SGCZ: variants seen among roughly 807,000 people sequenced by gnomAD.
SGCZ encodes zeta-sarcoglycan.
In SGCZ, 40 loss-of-function variants were observed where a neutral mutation model predicts 41.3. The observed-to-expected ratio is 0.97, with a 90% confidence interval of 0.75 to 1.26. The LOEUF is 1.26. SGCZ is among the 50% of genes most tolerant of loss of function. The probability of loss-of-function intolerance (pLI) is 0.00; values close to 1 mark genes in which losing one functional copy is unlikely to be tolerated. For missense variants in SGCZ, 552 were observed against 369.8 expected (o/e 1.49, Z -4.04); for synonymous variants, 206 against 137.5 (o/e 1.50, Z -3.49).
chr8:14,766,266 G>C (rs1401479785), intron 1 of SGCZ, among the ~76,000 whole-genome samples: 1 of 151,800 alleles, frequency 6.6e-6, no homozygotes, highest in Non-Finnish European at 1.5e-5. Flanking sequence ...AGCCAGATAG[G>C]CATATTTTTA....
At chr8:15,078,883 C>A (rs2131041069) in intron 1 of SGCZ, among the ~76,000 whole-genome samples, 1 of 152,186 alleles carries the variant, frequency 6.6e-6, no homozygotes, top group Non-Finnish European at 1.5e-5. Flanking sequence ...TCTTCAGTTT[C>A]TCTACTATAA....
chr8:14,129,979 G>A (rs191001463), intron 5 of SGCZ, among the ~76,000 whole-genome samples: 1 of 152,170 alleles, frequency 6.6e-6, no homozygotes, highest in African/African-American at 2.4e-5. Context: ...TGCAGATATG[G>A]AAAACGTGAT....
intron 1 of SGCZ, among the ~76,000 whole-genome samples, chr8:14,887,653 G>C (rs577894899): frequency 6.6e-6 from 1 of 152,068 alleles, no homozygotes; most frequent in African/African-American, 2.4e-5. Flanking sequence ...ACTAGATGCA[G>C]GTTAGAGGAA....
intron 1 of SGCZ, among the ~76,000 whole-genome samples, chr8:14,700,296 T>A (rs1410967769): frequency 2.6e-5 from 4 of 152,136 alleles, no homozygotes; most frequent in Admixed American, 2.6e-4. Context: ...TGAAATCATG[T>A]CCTTTGCAGC....
At chr8:14,387,302 C>G (rs549382395) in intron 2 of SGCZ, among the ~76,000 whole-genome samples, 37 of 152,280 alleles carry the variant, frequency 2.4e-4, no homozygotes, top group African/African-American at 8.9e-4. Context: ...TCCTCCCATC[C>G]TGGTCTCCCA....
At chr8:14,358,730 C>A (rs1803390507) in intron 2 of SGCZ, among the ~76,000 whole-genome samples, 1 of 152,056 alleles carries the variant, frequency 6.6e-6, no homozygotes, top group Non-Finnish European at 1.5e-5. Flanking sequence ...TCTGCCTCAG[C>A]CTCCTGAGTA....
intron 3 of SGCZ, among the ~76,000 whole-genome samples, chr8:14,304,080 C>T (rs192201776): frequency 6.6e-6 from 1 of 152,028 alleles, no homozygotes; most frequent in African/African-American, 2.4e-5. Context: ...AATGGCTTTA[C>T]ATTTGTGAAA....
chr8:14,963,952 T>C (rs1355995011), intron 1 of SGCZ, among the ~76,000 whole-genome samples: 3 of 152,178 alleles, frequency 2.0e-5, no homozygotes, highest in Non-Finnish European at 1.5e-5. Flanking sequence ...TTGTTTAATA[T>C]AGCCCTCAAA....
At chr8:14,291,954 C>T (rs946099335) in intron 3 of SGCZ, among the ~76,000 whole-genome samples, 3 of 152,004 alleles carry the variant, frequency 2.0e-5, no homozygotes, top group African/African-American at 7.2e-5. Context: ...CATATTCAGC[C>T]AGAAGAAAGG....
chr8:14,227,029 A>G (rs1321563398), intron 4 of SGCZ, among the ~76,000 whole-genome samples: 4 of 152,066 alleles, frequency 2.6e-5, no homozygotes, highest in African/African-American at 9.7e-5. Context: ...GGTAGCTGAT[A>G]GATTTACTGA....
At chr8:14,241,033 T>G (rs1798863605) in intron 3 of SGCZ, among the ~76,000 whole-genome samples, 1 of 152,132 alleles carries the variant, frequency 6.6e-6, no homozygotes. Flanking sequence ...AGAAAGACAT[T>G]TAAGAAATGT....
At chr8:15,165,109 G>A (rs1260755343) in intron 1 of SGCZ, among the ~76,000 whole-genome samples, 1 of 152,096 alleles carries the variant, frequency 6.6e-6, no homozygotes, top group Non-Finnish European at 1.5e-5. Flanking sequence ...GACCAACATG[G>A]TGAAACCCTG....
intron 4 of SGCZ, among the ~76,000 whole-genome samples, chr8:14,203,664 C>T (rs940624263): frequency 6.6e-6 from 1 of 152,086 alleles, no homozygotes; most frequent in Non-Finnish European, 1.5e-5. Flanking sequence ...GAGGTGAGCA[C>T]CACAATCCAT....
chr8:15,011,256 G>A (rs1802818425), intron 1 of SGCZ, among the ~76,000 whole-genome samples: 1 of 152,032 alleles, frequency 6.6e-6, no homozygotes, highest in African/African-American at 2.4e-5. Context: ...CTTCACTGTA[G>A]TTCCTACAGA....
At chr8:14,511,324 T>C (rs1253245991) in intron 2 of SGCZ, among the ~76,000 whole-genome samples, 1 of 152,058 alleles carries the variant, frequency 6.6e-6, no homozygotes, top group Non-Finnish European at 1.5e-5. Flanking sequence ...GGCTACGTTT[T>C]ATGGATTGGG....
chr8:14,527,636 G>T (rs928478117), intron 2 of SGCZ, among the ~76,000 whole-genome samples: 1 of 152,042 alleles, frequency 6.6e-6, no homozygotes, highest in Admixed American at 6.6e-5. Flanking sequence ...AGGTACACAT[G>T]ACTATTTAAG....
At chr8:14,342,940 C>A (rs898768841) in intron 2 of SGCZ, among the ~76,000 whole-genome samples, 4 of 152,068 alleles carry the variant, frequency 2.6e-5, no homozygotes, top group African/African-American at 4.8e-5. Flanking sequence ...GGCCCAGGGT[C>A]CCTGGGCTGT....
rs116584587 is a variant in SGCZ at position 14,872,645 on chromosome 8, A to G, written c.40-317719T>C. On this transcript the variant is annotated intron_variant, in intron 1 of 7. Transcript: ENST00000382080. ...ATGTCTATAAATACATTAGATTTCAACATAACCTAAAGGCACCATAGATCC... is the reference window on the plus strand; with the variant it reads ...ATGTCTATAAATACATTAGATTTCAGCATAACCTAAAGGCACCATAGATCC... Among the ~76,000 whole-genome samples, 708 of 152,266 alleles carry G rather than the reference A, an allele frequency of 4.6e-3. 5 individuals carry two copies. The highest frequency in any genetic ancestry group is 0.016 in the African/African-American group (674 of 41,572).
chr8:14,630,363 C>G (rs1467465858), intron 1 of SGCZ, among the ~76,000 whole-genome samples: 2 of 151,724 alleles, frequency 1.3e-5, no homozygotes, highest in Middle Eastern at 3.2e-3. Context: ...ACACTTGGCT[C>G]TCAGGATTGG....
Sources: allele counts gnomAD v4.1 joint callset (sites outside exome capture counted in the v4.1 genomes callset), GRCh38; gene constraint gnomAD v4.1.1; transcripts MANE v1.5; gene names NCBI Gene and HGNC (gene_info 2026-07-23, HGNC 2026-07-21).